TPRG1: variants seen among roughly 807,000 people sequenced by gnomAD.
The protein encoded by TPRG1 is tumor protein p63-regulated gene 1 protein.
Under a neutral mutation model 29.3 loss-of-function variants are expected in TPRG1, and 29 were observed. That is an observed-to-expected ratio of 0.99 (90% confidence interval 0.74 to 1.35). TPRG1 has a LOEUF of 1.35. TPRG1 is among the 40% of genes most tolerant of loss of function. TPRG1 has a pLI of 0.00. For missense variants in TPRG1, 327 were observed against 335.0 expected (o/e 0.98, Z 0.19); for synonymous variants, 130 against 116.8 (o/e 1.11, Z -0.73).
chr3:189,153,460 A>G (rs1232909551), intron 5 of TPRG1, among the ~76,000 whole-genome samples: 1 of 152,186 alleles, frequency 6.6e-6, no homozygotes, highest in Non-Finnish European at 1.5e-5. Flanking sequence ...TAAAATTTGC[A>G]CTGGAGAATT....
At chr3:189,253,598 T>C (rs1350626159) in intron 4 of TPRG1, among the ~76,000 whole-genome samples, 1 of 152,218 alleles carries the variant, frequency 6.6e-6, no homozygotes, top group Non-Finnish European at 1.5e-5. Flanking sequence ...TGATTGATAA[T>C]CCTTTGGGTG....
chr3:189,269,149 GA>G (rs541788434), intron 4 of TPRG1, among the ~76,000 whole-genome samples: 15 of 148,162 alleles, frequency 1.0e-4, no homozygotes, highest in Admixed American at 5.4e-4. Flanking sequence ...AAAGCACACA[GA>G]AAAAAAAGGC....
intron 3 of TPRG1, among the ~76,000 whole-genome samples, chr3:189,222,417 T>A (rs1562762): frequency 6.6e-6 from 1 of 152,074 alleles, no homozygotes; most frequent in African/African-American, 2.4e-5. Flanking sequence ...CTATGGAAAC[T>A]ACCATTTCGA....
At chr3:189,190,593 A>G (rs4687029) in intron 1 of TPRG1, among the ~76,000 whole-genome samples, 55,288 of 152,032 alleles carry the variant, frequency 0.36, 10,168 homozygotes, top group South Asian at 0.52. Flanking sequence ...TACGTCTATG[A>G]TAAGAATGCT....
chr3:189,231,656 TA>T (rs930584445), intron 3 of TPRG1, among the ~76,000 whole-genome samples: 4 of 152,288 alleles, frequency 2.6e-5, no homozygotes, highest in East Asian at 1.9e-4. Context: ...TTAGAATGGA[TA>T]AGTAACTTTT....
intron 1 of TPRG1, among the ~76,000 whole-genome samples, chr3:189,198,107 C>A (rs1252285371): frequency 2.0e-5 from 3 of 152,184 alleles, no homozygotes; most frequent in African/African-American, 4.8e-5. Context: ...GTAACCAGAT[C>A]TTCAAGGGAT....
At chr3:189,050,194 T>A (rs756037948) in intron 4 of TPRG1, among the ~76,000 whole-genome samples, 1 of 151,982 alleles carries the variant, frequency 6.6e-6, no homozygotes, top group African/African-American at 2.4e-5. Context: ...ATTGGCAAGA[T>A]TAACCGAGAA....
At chr3:189,195,890 G>T (rs569830864) in intron 1 of TPRG1, among the ~76,000 whole-genome samples, 1 of 152,166 alleles carries the variant, frequency 6.6e-6, no homozygotes, top group Non-Finnish European at 1.5e-5. Context: ...CAGGGTTTCT[G>T]TTACTCCCCT....
chr3:189,181,342 C>T (rs1263405627), intron 1 of TPRG1, among the ~76,000 whole-genome samples: 1 of 152,202 alleles, frequency 6.6e-6, no homozygotes, highest in African/African-American at 2.4e-5. Flanking sequence ...CTATCTCAGT[C>T]AGGCTGCAAA....
rs1219519007 is a variant in TPRG1 at position 189,247,499 on chromosome 3, T to TG, written c.479+8591dup. On this transcript the variant is annotated intron_variant, in intron 4 of 5. Coordinates refer to ENST00000345063, the MANE Select transcript of TPRG1 (RefSeq NM_198485.4). ...TTCTTGAGAGTGGTTCATATTTTCT[T>TG]GTTTTTTTGGTATGTAAAATACTAT... Among the ~76,000 whole-genome samples, 5 of 149,130 alleles carry TG rather than the reference T, an allele frequency of 3.4e-5. No individual in the cohort carries two copies. The East Asian group carries it at 1.0e-3, about 30-fold the overall frequency.
chr3:189,138,598 G>A (rs886372884), intron 3 of TPRG1, among the ~76,000 whole-genome samples: 4 of 152,098 alleles, frequency 2.6e-5, no homozygotes, highest in Non-Finnish European at 4.4e-5. Context: ...GATCAGGCAC[G>A]CATAGGAAGT....
At chr3:189,054,787 A>G (rs936550433) in intron 4 of TPRG1, among the ~76,000 whole-genome samples, 2 of 152,138 alleles carry the variant, frequency 1.3e-5, no homozygotes, top group South Asian at 2.1e-4. Context: ...CTCTTAAAAA[A>G]CAAAAATCAC....
rs779237990 is a variant in TPRG1 at position 189,159,834 on chromosome 3, T to TTGTGTGTGTGTG, written c.-10+8967_-10+8968insGTGTGTGTGTGT. Among the ~76,000 whole-genome samples the TTGTGTGTGTGTG allele has an allele frequency of 2.5e-3, 235 of 95,460 alleles. 2 individuals carry two copies. Among genetic ancestry groups the TTGTGTGTGTGTG allele is most frequent in the Middle Eastern group, 8.6e-3 (2 of 232 alleles). 62.6% of individuals were successfully genotyped at this position (95,460 alleles called of 152,430 possible). On this transcript the variant is annotated intron_variant, in intron 5 of 6. Transcript: ENST00000412373. ...GGTAGATAATGCTTTCATGGAGTGT[T>TTGTGTGTGTGTG]TGTGTATGTGTGTGTGTGTGTGTGT...
intron 5 of TPRG1, among the ~76,000 whole-genome samples, chr3:189,165,145 T>G (rs574264864): frequency 1.3e-5 from 2 of 152,170 alleles, no homozygotes; most frequent in African/African-American, 4.8e-5. Context: ...TAATGAAACT[T>G]TGAGTTTACC....
At chr3:189,285,907 C>A (rs1207598008) in intron 4 of TPRG1, among the ~76,000 whole-genome samples, 2 of 152,100 alleles carry the variant, frequency 1.3e-5, no homozygotes, top group Non-Finnish European at 2.9e-5. Flanking sequence ...TACAATATTT[C>A]ACTTATATCA....
chr3:189,024,345 G>A (rs1376731283), intron 4 of TPRG1, among the ~76,000 whole-genome samples: 1 of 152,216 alleles, frequency 6.6e-6, no homozygotes, highest in Non-Finnish European at 1.5e-5. Context: ...ACTCTCCAAA[G>A]CCTCTAGGCT....
intron 4 of TPRG1, among the ~76,000 whole-genome samples, chr3:189,261,683 G>A (rs1012876438): frequency 4.6e-5 from 7 of 152,146 alleles, no homozygotes; most frequent in Non-Finnish European, 7.3e-5. Context: ...TTTGGTTAGG[G>A]CTCCAGCAGA....
At chr3:189,179,876 A>C (rs1729982441) in intron 1 of TPRG1, among the ~76,000 whole-genome samples, 1 of 152,208 alleles carries the variant, frequency 6.6e-6, no homozygotes, top group African/African-American at 2.4e-5. Context: ...TGCAAATCAA[A>C]TCTACAACCA....
intron 3 of TPRG1, among the ~76,000 whole-genome samples, chr3:189,233,875 T>C (rs1467929959): frequency 6.6e-6 from 1 of 151,970 alleles, no homozygotes; most frequent in Non-Finnish European, 1.5e-5. Context: ...CATTGATTGA[T>C]TGATTGATTG....
Sources: gnomAD v4.1 joint callset for allele counts (sites outside exome capture counted in the v4.1 genomes callset) on GRCh38, gnomAD v4.1.1 for gene constraint, MANE v1.5 for transcripts, NCBI Gene and HGNC (gene_info 2026-07-23, HGNC 2026-07-21) for gene names.